Variants in EXT1 observed in about 807,000 individuals in gnomAD.
EXT1 encodes the protein exostosin-1.
In EXT1, 20 loss-of-function variants were observed where a neutral mutation model predicts 82.5. That is an observed-to-expected ratio of 0.24 (90% CI 0.17 to 0.35). The LOEUF (loss-of-function observed/expected upper bound fraction) is 0.35, where lower values mean the gene tolerates loss of function less well. EXT1 is among the 10% of genes least tolerant of loss of function. The pLI is 1.00. For synonymous variants in EXT1, 348 were observed against 350.8 expected, an observed-to-expected ratio of 0.99 and a Z score of 0.09; for missense variants, 757 against 936.5, an observed-to-expected ratio of 0.81 and a Z score of 2.50.
At chr8:118,081,741 A>G (rs937868056) in intron 1 of EXT1, among the ~76,000 whole-genome samples, 1 of 152,188 alleles carries the variant, frequency 6.6e-6, no homozygotes, top group Non-Finnish European at 1.5e-5. Flanking sequence ...CGTGCTTTTA[A>G]TAGCCCCATT....
chr8:118,091,026 C>T (rs1388562610), intron 1 of EXT1, among the ~76,000 whole-genome samples: 2 of 152,030 alleles, frequency 1.3e-5, no homozygotes, highest in African/African-American at 4.8e-5. Context: ...GCAGCTGAAA[C>T]ACCAAAGAAG....
chr8:117,937,504 GC>G (rs1291708493), intron 1 of EXT1, among the ~76,000 whole-genome samples: 1 of 152,144 alleles, frequency 6.6e-6, no homozygotes, highest in Admixed American at 6.5e-5. Flanking sequence ...TCTTCATCCT[GC>G]CCCCTCCCTG....
chr8:117,978,204 T>C (rs572181823), intron 1 of EXT1, among the ~76,000 whole-genome samples: 1 of 152,350 alleles, frequency 6.6e-6, no homozygotes, highest in Admixed American at 6.5e-5. Context: ...CCAGAATTAG[T>C]ATACAGCAAT....
At chr8:117,975,165 C>T (rs1413259389) in intron 1 of EXT1, among the ~76,000 whole-genome samples, 1 of 152,184 alleles carries the variant, frequency 6.6e-6, no homozygotes, top group African/African-American at 2.4e-5. Context: ...CTTAAACCTT[C>T]TGAAGACAGA....
At chr8:117,853,843 T>C (rs1812495802) in intron 1 of EXT1, among the ~76,000 whole-genome samples, 1 of 152,266 alleles carries the variant, frequency 6.6e-6, no homozygotes, top group African/African-American at 2.4e-5. Context: ...GCAGTTTGAA[T>C]GCCTGTGTTT....
intron 1 of EXT1, among the ~76,000 whole-genome samples, chr8:117,937,282 C>T (rs1015715347): frequency 1.3e-5 from 2 of 152,184 alleles, no homozygotes; most frequent in Non-Finnish European, 2.9e-5. Context: ...TGTACACAAC[C>T]AGTGTAGGTA....
At chr8:117,826,087 A>G (rs1812003936) in intron 4 of EXT1, among the ~76,000 whole-genome samples, 1 of 152,222 alleles carries the variant, frequency 6.6e-6, no homozygotes, top group African/African-American at 2.4e-5. Context: ...AATTTTCACA[A>G]AAGTACTGAG....
intron 1 of EXT1, among the ~76,000 whole-genome samples, chr8:118,008,542 A>G (rs1357143091): frequency 6.6e-6 from 1 of 152,152 alleles, no homozygotes; most frequent in East Asian, 1.9e-4. Flanking sequence ...CTGAGCTACC[A>G]TGCCCAGCCT....
At chr8:118,101,404 CT>C (rs113800080) in intron 1 of EXT1, among the ~76,000 whole-genome samples, 4,220 of 152,276 alleles carry the variant, frequency 0.028, 188 homozygotes, top group African/African-American at 0.087. Flanking sequence ...ATAGTGCCTC[CT>C]TTACACTTAA....
In EXT1 at chr8:117,830,304, G is replaced by C; in HGVS notation, c.1210C>G (p.Leu404Val). 1 of 1,614,048 alleles carries C rather than the reference G, an allele frequency of 6.2e-7. No homozygotes were observed. Among genetic ancestry groups the C allele is most frequent in the South Asian group, 1.1e-5 (1 of 91,080 alleles). ...CACAAGAATTGTGTCTGCTGTCTAA[G>C]TGCTAGGATTTTATCCTGATGAATA... ...RSIHQDKILA[L>V]RQQTQFLWEA... is the part of the protein sequence containing the mutation. The change falls in exon 4 of 11, where the codon CTT becomes GTT. Residue 404 changes from leucine to valine, a missense_variant. Around this residue, in one of 4 missense-constraint regions of EXT1, gnomAD observed 207 missense variants for 224.2 expected, o/e 0.92. Coordinates refer to ENST00000378204, the MANE Select transcript of EXT1 (RefSeq NM_000127.3).
At chr8:117,939,052 T>C (rs190364448) in intron 1 of EXT1, among the ~76,000 whole-genome samples, 282 of 152,166 alleles carry the variant, frequency 1.9e-3, no homozygotes, top group African/African-American at 6.5e-3. Context: ...CTGTTTTTTT[T>C]TCCCCCCAAT....
intron 6 of EXT1, among the ~76,000 whole-genome samples, chr8:117,819,103 T>C (rs912854542): frequency 2.0e-5 from 3 of 152,378 alleles, no homozygotes; most frequent in Non-Finnish European, 4.4e-5. Flanking sequence ...CCTTATTGAA[T>C]TCTTTCCTTG....
intron 1 of EXT1, among the ~76,000 whole-genome samples, chr8:118,039,859 A>C (rs1457958180): frequency 6.6e-6 from 1 of 152,222 alleles, no homozygotes; most frequent in Non-Finnish European, 1.5e-5. Context: ...CATAAACAAA[A>C]TAAAGCCACT....
intron 1 of EXT1, among the ~76,000 whole-genome samples, chr8:117,894,359 A>G (rs547826900): frequency 4.6e-5 from 7 of 152,156 alleles, no homozygotes; most frequent in African/African-American, 1.7e-4. Flanking sequence ...ACCCCTTGGA[A>G]TATTTCCCTC....
intron 1 of EXT1, among the ~76,000 whole-genome samples, chr8:117,933,517 A>T (rs1239493003): frequency 6.6e-6 from 1 of 152,118 alleles, no homozygotes; most frequent in East Asian, 1.9e-4. Flanking sequence ...AAATGTTGGG[A>T]TTACAGGCAC....
chr8:118,016,818 A>T (rs544314992), intron 1 of EXT1, among the ~76,000 whole-genome samples: 1 of 152,328 alleles, frequency 6.6e-6, no homozygotes, highest in Non-Finnish European at 1.5e-5. Context: ...GCCGGCAGAC[A>T]ACAAGCCAAG....
intron 1 of EXT1, among the ~76,000 whole-genome samples, chr8:117,973,950 GAA>G: frequency 6.8e-6 from 1 of 147,756 alleles, no homozygotes; most frequent in Non-Finnish European, 1.5e-5. Context: ...AGGAAGGAAG[GAA>G]GGAAGGAAGG....
intron 1 of EXT1, among the ~76,000 whole-genome samples, chr8:117,930,931 T>C (rs941289890): frequency 2.0e-5 from 3 of 152,210 alleles, no homozygotes; most frequent in African/African-American, 7.2e-5. Context: ...ATGCTAATTG[T>C]ATTGCATTAG....
intron 1 of EXT1, among the ~76,000 whole-genome samples, chr8:117,936,613 G>A (rs987703948): frequency 3.9e-5 from 6 of 152,174 alleles, no homozygotes; most frequent in Non-Finnish European, 8.8e-5. Context: ...GGAGGCTCAC[G>A]CTTGTAATCC....
Sources: gnomAD v4.1 joint callset for allele counts (sites outside exome capture counted in the v4.1 genomes callset) on GRCh38, gnomAD v4.1.1 for gene constraint, gnomAD v4.1.1 regional missense constraint, MANE v1.5 for transcripts, NCBI Gene and HGNC (gene_info 2026-07-23, HGNC 2026-07-21) for gene names.